Variants in PDCD1LG2 observed in about 807,000 individuals in gnomAD.
The protein encoded by PDCD1LG2 is B7 dendritic cell molecule.
Under a neutral mutation model 28.2 loss-of-function variants are expected in PDCD1LG2, and 32 were observed. That is an observed-to-expected ratio of 1.13 (90% confidence interval 0.86 to 1.52). PDCD1LG2 has a LOEUF of 1.52. Among genes scored for constraint, PDCD1LG2 ranks in the 40% most tolerant of loss-of-function variants. The pLI is 0.00. For missense variants in PDCD1LG2, 385 were observed against 323.8 expected (o/e 1.19, Z -1.45); for synonymous variants, 116 against 120.2 (o/e 0.97, Z 0.23).
intron 1 of PDCD1LG2, among the ~76,000 whole-genome samples, chr9:5,516,999 G>T (rs1232100425): frequency 1.3e-5 from 2 of 152,190 alleles, no homozygotes; most frequent in Non-Finnish European, 2.9e-5. Context: ...ACTCCCACCT[G>T]TTCTTGGCCT....
chr9:5,533,716 G>C (rs1216348982), intron 2 of PDCD1LG2, among the ~76,000 whole-genome samples: 1 of 151,796 alleles, frequency 6.6e-6, no homozygotes, highest in Non-Finnish European at 1.5e-5. Flanking sequence ...TCACATTTTG[G>C]TAAACTCTGA....
intron 3 of PDCD1LG2, among the ~76,000 whole-genome samples, chr9:5,541,738 A>C (rs1586808012): frequency 1.3e-5 from 2 of 152,282 alleles, no homozygotes; most frequent in South Asian, 4.1e-4. Context: ...GAAAATGACC[A>C]TACTTTGTAG....
intron 3 of PDCD1LG2, among the ~76,000 whole-genome samples, chr9:5,538,656 C>G (rs780795388): frequency 2.0e-4 from 31 of 151,606 alleles, no homozygotes; most frequent in Non-Finnish European, 3.8e-4. Flanking sequence ...CCACTGCACT[C>G]CAGCCTGGGC....
rs773217049 is a variant in PDCD1LG2 at position 5,527,815 on chromosome 9, C to G, written c.55+5214C>G. ...TAATTGTTCCTCATCCTTCCCAGCA[C>G]TGGTATTCTTTTCTATTTTTTCTTT... On this transcript the variant is annotated intron_variant, in intron 2 of 6. Coordinates refer to ENST00000397747, the MANE Select transcript of PDCD1LG2 (RefSeq NM_025239.4). Among the ~76,000 whole-genome samples, 11 of 151,848 alleles carry G rather than the reference C, an allele frequency of 7.2e-5. 1 individual carries two copies. Among genetic ancestry groups the G allele is most frequent in the African/African-American group, 2.7e-4 (11 of 41,372 alleles).
intron 3 of PDCD1LG2, among the ~76,000 whole-genome samples, chr9:5,543,734 G>C (rs1207176845): frequency 1.3e-5 from 2 of 152,116 alleles, no homozygotes; most frequent in African/African-American, 4.8e-5. Flanking sequence ...ACAGAAGGGT[G>C]TAAGAAAATC....
chr9:5,517,600 T>C (rs1308809519), intron 1 of PDCD1LG2, among the ~76,000 whole-genome samples: 1 of 152,210 alleles, frequency 6.6e-6, no homozygotes, highest in Non-Finnish European at 1.5e-5. Flanking sequence ...GTTTGACTTT[T>C]ATTTTTTAAA....
intron 6 of PDCD1LG2, among the ~76,000 whole-genome samples, chr9:5,567,534 G>A (rs759317564): frequency 6.6e-6 from 1 of 152,180 alleles, no homozygotes; most frequent in Non-Finnish European, 1.5e-5. Flanking sequence ...TTACAAAATA[G>A]TTATTACAGT....
At chr9:5,523,747 A>T (rs553810373) in intron 2 of PDCD1LG2, among the ~76,000 whole-genome samples, 48 of 152,214 alleles carry the variant, frequency 3.2e-4, no homozygotes, top group Non-Finnish European at 5.3e-4. Flanking sequence ...GTGATAAGGG[A>T]AATGAGGGCC....
chr9:5,560,204 A>G (rs1816531868), intron 5 of PDCD1LG2, among the ~76,000 whole-genome samples: 1 of 152,040 alleles, frequency 6.6e-6, no homozygotes, highest in African/African-American at 2.4e-5. Flanking sequence ...ATCCCTTTTA[A>G]TTTTCCAATT....
intron 2 of PDCD1LG2, among the ~76,000 whole-genome samples, chr9:5,531,813 T>C (rs901127556): frequency 6.6e-6 from 1 of 152,164 alleles, no homozygotes; most frequent in African/African-American, 2.4e-5. Context: ...TTTTCTTCCC[T>C]GTTTCCTGTT....
At chr9:5,526,610 T>A (rs954146406) in intron 2 of PDCD1LG2, among the ~76,000 whole-genome samples, 7 of 152,200 alleles carry the variant, frequency 4.6e-5, no homozygotes, top group South Asian at 2.1e-4. Flanking sequence ...GCTAATTTTT[T>A]AAACATTTTT....
intron 6 of PDCD1LG2, among the ~76,000 whole-genome samples, chr9:5,568,026 T>A (rs928872048): frequency 2.0e-5 from 3 of 151,912 alleles, no homozygotes; most frequent in Non-Finnish European, 4.4e-5. Context: ...CACATGGGTG[T>A]GTTTCCTTTC....
intron 3 of PDCD1LG2, among the ~76,000 whole-genome samples, chr9:5,536,270 G>C (rs1416888939): frequency 6.6e-6 from 1 of 152,180 alleles, no homozygotes; most frequent in South Asian, 2.1e-4. Flanking sequence ...TCAACATTGA[G>C]AGAGATAATG....
At chr9:5,513,269 C>T (rs959488863) in intron 1 of PDCD1LG2, among the ~76,000 whole-genome samples, 1 of 152,230 alleles carries the variant, frequency 6.6e-6, no homozygotes, top group African/African-American at 2.4e-5. Context: ...TCTGAGACTG[C>T]TTCTGAGTCA....
intron 3 of PDCD1LG2, among the ~76,000 whole-genome samples, chr9:5,537,474 A>G (rs1820602541): frequency 6.6e-6 from 1 of 152,226 alleles, no homozygotes; most frequent in Non-Finnish European, 1.5e-5. Flanking sequence ...TAATAATAAT[A>G]GAAATAAATG....
Position 5,534,826 on chromosome 9 carries a change from C to G in PDCD1LG2, c.137C>G (p.Thr46Ser), listed in dbSNP as rs2129793072. 4 of 1,614,148 alleles carry G rather than the reference C, an allele frequency of 2.5e-6. No homozygotes were observed. Among genetic ancestry groups the G allele is most frequent in the Non-Finnish European group, 3.4e-6 (4 of 1,180,022 alleles). ...GTGACCCTGGAATGCAACTTTGACA[C>G]TGGAAGTCATGTGAACCTTGGAGCA... ...SNVTLECNFD[T>S]GSHVNLGAIT... The change falls in exon 3 of 7, where the codon ACT (threonine) becomes AGT (serine). Residue 46 changes from threonine (T) to serine (S), a missense_variant. By Grantham distance (58) the Thr-to-Ser change is moderately conservative (BLOSUM62 1). Coordinates refer to ENST00000397747, the MANE Select transcript of PDCD1LG2 (RefSeq NM_025239.4).
rs773797226 is a variant in PDCD1LG2, at chr9:5,549,333, A to G, written c.362-2A>G. On this transcript the variant is annotated splice_acceptor_variant, in intron 3 of 6. Coordinates refer to ENST00000397747, the MANE Select transcript of PDCD1LG2 (RefSeq NM_025239.4). LOFTEE classifies it high-confidence loss of function. The stretch of plus-strand genomic sequence containing the variant: ...TATTTCTTTTTCTTCTCTATTGTCC[A>G]GCTTCCTACAGGAAAATAAACACTC... 2 of 1,608,856 alleles carry G rather than the reference A, an allele frequency of 1.2e-6. No individual in the cohort carries two copies. The highest frequency in any genetic ancestry group is 1.7e-6 in the Non-Finnish European group (2 of 1,175,760).
At chr9:5,544,316 G>A (rs891353962) in intron 3 of PDCD1LG2, among the ~76,000 whole-genome samples, 1 of 152,240 alleles carries the variant, frequency 6.6e-6, no homozygotes, top group African/African-American at 2.4e-5. Flanking sequence ...GGGGAAGGCA[G>A]GGTTAATGGA....
At chr9:5,552,000 T>C (rs2129892272) in intron 4 of PDCD1LG2, among the ~76,000 whole-genome samples, 1 of 152,286 alleles carries the variant, frequency 6.6e-6, no homozygotes, top group East Asian at 1.9e-4. Flanking sequence ...ACATTCCAGA[T>C]TTCCCTCACC....
Sources: allele counts gnomAD v4.1 joint callset (sites outside exome capture counted in the v4.1 genomes callset), GRCh38; gene constraint gnomAD v4.1.1; transcripts MANE v1.5; gene names NCBI Gene and HGNC (gene_info 2026-07-23, HGNC 2026-07-21).